Variants in ZFP91 observed in about 807,000 individuals in gnomAD.
The protein encoded by ZFP91 is E3 ubiquitin-protein ligase ZFP91.
Under a neutral mutation model 63.5 loss-of-function variants are expected in ZFP91, and 7 were observed. That is an observed-to-expected ratio of 0.11 (90% CI 0.06 to 0.21). The LOEUF (loss-of-function observed/expected upper bound fraction) is 0.21. Among genes scored for constraint, ZFP91 ranks in the 10% least tolerant of loss-of-function variants. The pLI is 1.00. For missense variants in ZFP91, 628 were observed against 736.6 expected (o/e 0.85, Z 1.71); for synonymous variants, 330 against 272.1 (o/e 1.21, Z -2.10).
chr11:58,613,372 A>G (rs950883438), intron 8 of ZFP91, among the ~76,000 whole-genome samples: 8 of 152,128 alleles, frequency 5.3e-5, no homozygotes, highest in African/African-American at 1.9e-4. Flanking sequence ...TAGAGCCTTT[A>G]AGACCTAAGC....
Position 58,579,259 on chromosome 11 carries a change from G to C in ZFP91, c.-23G>C, listed in dbSNP as rs1477374515. 3 of 1,412,218 alleles carry C rather than the reference G, an allele frequency of 2.1e-6. No homozygotes were observed. Among genetic ancestry groups the C allele is most frequent in the Admixed American group, 6.8e-5 (2 of 29,252 alleles). The allele number at this position is 1,412,218 out of a possible 1,614,324, so 87.5% of individuals were successfully genotyped here. On this transcript the variant is annotated 5_prime_UTR_variant, in exon 1 of 11. Transcript: ENST00000316059. Reference sequence around the variant, plus strand: ...TCCGCCTCCGCCGCCTAGGACTAGGGGGTGGGGGACGGACAAGCCCCGATG... The same window carrying C: ...TCCGCCTCCGCCGCCTAGGACTAGGCGGTGGGGGACGGACAAGCCCCGATG...
In ZFP91 at chr11:58,579,437, A is replaced by C. The variant is rs1855046768; in HGVS notation, c.156A>C (p.Gly52=). ...AGTTSSRVLR[G]GRDRGRAAAA... ...CCACTAGCAGCCGCGTGCTGAGGGG[A>C]GGTCGGGACCGAGGCCGGGCCGCTG... Residue 52 remains glycine (G), a synonymous_variant, in exon 1 of 11, where the codon GGA becomes GGC. Transcript: ENST00000316059. 7.0e-7 allele frequency: 1 copy of C among 1,426,282 alleles called. No individual in the cohort carries two copies. The highest frequency in any genetic ancestry group is 3.0e-5 in the Admixed American group (1 of 32,978). 88.4% of individuals were successfully genotyped at this position (1,426,282 alleles called of 1,614,324 possible).
At position 58,610,847 on chromosome 11, in the gene ZFP91, A is replaced by G. The variant is rs12282490; in HGVS notation, c.618-103A>G. ...GTCATTAGGATGAAAATGCTAGATG[A>G]CTTTATCAGTGTTTGGCTACCTCTT... On this transcript the variant is annotated intron_variant, in intron 4 of 10. Transcript: ENST00000316059. 2,489 of 909,284 alleles carry G rather than the reference A, an allele frequency of 2.7e-3. 58 individuals carry two copies. The African/African-American group carries it at 0.038, about 14-fold the overall frequency. The allele number at this position is 909,284 out of a possible 1,614,324, so 56.3% of individuals were successfully genotyped here.
At chr11:58,600,200 A>T (rs1855470303) in intron 2 of ZFP91, among the ~76,000 whole-genome samples, 1 of 151,612 alleles carries the variant, frequency 6.6e-6, no homozygotes, top group South Asian at 2.1e-4. Context: ...GAACTTTAGG[A>T]TTGGGTTGTC....
Position 58,617,107 on chromosome 11 carries a change from T to G in ZFP91, c.1203-89T>G. 8.4e-7 allele frequency: 1 copy of G among 1,188,334 alleles called. No homozygotes were observed. The highest frequency in any genetic ancestry group is 1.5e-5 in the South Asian group (1 of 66,824). 73.6% of individuals were successfully genotyped at this position (1,188,334 alleles called of 1,614,324 possible). A position where few individuals can be genotyped will look rare whatever the true frequency, so the allele number is the denominator to read the frequency against. On this transcript the variant is annotated intron_variant, in intron 10 of 10. Coordinates refer to ENST00000316059, the MANE Select transcript of ZFP91 (RefSeq NM_053023.5). This position sits in a 1 kb window ranked among gnomAD's most constrained non-coding sequence, Gnocchi z 4.2. The stretch of plus-strand genomic sequence containing the variant: ...GTGTGTGTGTGTGTGTGTATGTATA[T>G]ATATGCTCTAAACTCTAACCCTGAT...
At chr11:58,582,817 AG>A (rs1855141831) in intron 1 of ZFP91, among the ~76,000 whole-genome samples, 1 of 152,152 alleles carries the variant, frequency 6.6e-6, no homozygotes, top group South Asian at 2.1e-4. Context: ...TGAACTATTT[AG>A]GGGTTATTGG....
chr11:58,610,827 T>G (rs1185841088), intron 4 of ZFP91, 123 bp from the exon 5 acceptor site: 2 of 733,552 alleles, frequency 2.7e-6, no homozygotes, highest in Admixed American at 5.9e-5. Flanking sequence ...ATTAGGTCAT[T>G]AGGATGAAAA....
In ZFP91 at chr11:58,614,230, AC is replaced by A; in HGVS notation, c.991del (p.His331ThrfsTer8). On this transcript the variant is annotated frameshift_variant and splice_region_variant, in exon 9 of 11. Transcript: ENST00000316059. LOFTEE classifies it high-confidence loss of function. ...TVLAHPRYLQ[H>X]HIKYQHLLKK... Reference sequence around the variant, plus strand: ...CCCCTTTCACTTTCTCTGTTTTAGCACCACATTAAATACCAGCATTTGCTGA... The same window carrying A: ...CCCCTTTCACTTTCTCTGTTTTAGCACACATTAAATACCAGCATTTGCTGA... 1 of 1,587,890 alleles carries A rather than the reference AC, an allele frequency of 6.3e-7. No individual in the cohort carries two copies.
chr11:58,602,441 C>T (rs1449568798), intron 2 of ZFP91, among the ~76,000 whole-genome samples: 1 of 150,600 alleles, frequency 6.6e-6, no homozygotes, highest in Non-Finnish European at 1.5e-5. Context: ...TGATATATCT[C>T]GAGAGAGAGA....
At chr11:58,602,453 G>C (rs1252047308) in intron 2 of ZFP91, among the ~76,000 whole-genome samples, 1 of 151,610 alleles carries the variant, frequency 6.6e-6, no homozygotes, top group Non-Finnish European at 1.5e-5. Context: ...AGAGAGAGAT[G>C]GGGGGAGAGG....
At chr11:58,611,345 G>T (rs965048919) in intron 5 of ZFP91, 14 of 499,798 alleles carry the variant, frequency 2.8e-5, no homozygotes, top group Non-Finnish European at 4.4e-5. Context: ...TTAACTAATT[G>T]TCTCGTTTCT....
At chr11:58,587,120 A>T (rs969969116) in intron 2 of ZFP91, among the ~76,000 whole-genome samples, 3 of 152,212 alleles carry the variant, frequency 2.0e-5, no homozygotes, top group Non-Finnish European at 4.4e-5. Flanking sequence ...TTAAGTTGCA[A>T]AGTGCTACAT....
chr11:58,610,988 T>A lies in ZFP91; in HGVS notation c.656T>A (p.Ile219Asn), dbSNP rs768611318. The A allele has an allele frequency of 4.3e-6, 7 of 1,612,872 alleles. No individual in the cohort carries two copies. The highest frequency in any genetic ancestry group is 4.0e-5 in the African/African-American group (3 of 74,870). The change falls in exon 5 of 11, where the codon ATC (isoleucine) becomes AAC (asparagine). Residue 219 changes from isoleucine to asparagine, a missense_variant. Around this residue, in one of 3 missense-constraint regions of ZFP91, gnomAD observed 437 missense variants for 380.3 expected, o/e 1.15. Transcript: ENST00000316059. The stretch of plus-strand genomic sequence containing the variant: ...GAGGAGGAGGAAGAAGAGATGTTAA[T>A]CAGTGAAGAGGAGATACCATTCAAA... ...EEEEEEEEML[I>N]SEEEIPFKDD...
rs894491023 is a variant in ZFP91 at position 58,612,858 on chromosome 11, A to T, written c.987+18A>T. 6.2e-7 allele frequency: 1 copy of T among 1,602,180 alleles called. No homozygotes were observed. The highest frequency in any genetic ancestry group is 1.1e-5 in the South Asian group (1 of 88,920). ...ATTTGCAGGTCAGTGAAGTTGTTAT[A>T]TAAGAGCCTTTCAGGTTGTGTTCCA... On this transcript the variant is annotated intron_variant, in intron 8 of 10. Coordinates refer to ENST00000316059, the MANE Select transcript of ZFP91 (RefSeq NM_053023.5).
At chr11:58,608,209 T>C (rs1855600101) in intron 2 of ZFP91, among the ~76,000 whole-genome samples, 1 of 151,876 alleles carries the variant, frequency 6.6e-6, no homozygotes, top group South Asian at 2.1e-4. Flanking sequence ...ATATCTTACA[T>C]ATATATCTCT....
At chr11:58,608,616 T>A (rs1855606665) in intron 2 of ZFP91, among the ~76,000 whole-genome samples, 1 of 152,134 alleles carries the variant, frequency 6.6e-6, no homozygotes, top group Non-Finnish European at 1.5e-5. Context: ...TTGTTTTTTC[T>A]TTTTTTGGAA....
chr11:58,614,832 A>G (rs1855724997), intron 9 of ZFP91, among the ~76,000 whole-genome samples: 1 of 152,176 alleles, frequency 6.6e-6, no homozygotes, highest in African/African-American at 2.4e-5. Context: ...AACTGTCAAA[A>G]AGAGTTGCTG....
At chr11:58,608,078 T>TATAC (rs918605896) in intron 2 of ZFP91, among the ~76,000 whole-genome samples, 8 of 150,988 alleles carry the variant, frequency 5.3e-5, no homozygotes, top group African/African-American at 1.9e-4. Context: ...TATATATATA[T>TATAC]ACACACACAC....
At chr11:58,610,902 C>A (rs776489568) in intron 4 of ZFP91, 48 bp from the exon 5 acceptor site, 1 of 1,558,768 alleles carries the variant, frequency 6.4e-7, no homozygotes. Flanking sequence ...TCCCCTCAGA[C>A]ATGTTCGCTA....
Sources: gnomAD v4.1 joint callset for allele counts (sites outside exome capture counted in the v4.1 genomes callset) on GRCh38, gnomAD v4.1.1 for gene constraint, gnomAD v4.1.1 regional missense constraint, Gnocchi (gnomAD v3.1) non-coding constraint, MANE v1.5 for transcripts, NCBI Gene and HGNC (gene_info 2026-07-23, HGNC 2026-07-21) for gene names.